The following OTOGL variants were observed in gnomAD, a reference collection of about 807,000 sequenced individuals.
OTOGL encodes otogelin-like protein.
Under a neutral mutation model 318.5 loss-of-function variants are expected in OTOGL, and 285 were observed. That is an observed-to-expected ratio of 0.89 (90% CI 0.81 to 0.99). The LOEUF is 0.99. Among genes scored for constraint, OTOGL ranks in the 50% least tolerant of loss-of-function variants. The pLI is 0.00. For synonymous variants in OTOGL, 987 were observed against 936.5 expected, an observed-to-expected ratio of 1.05 and a Z score of -0.99; for missense variants, 2,899 against 2,845.6, an observed-to-expected ratio of 1.02 and a Z score of -0.43.
At chr12:80,202,142 G>A (rs1266242628) in intron 1 of OTOGL, among the ~76,000 whole-genome samples, 1 of 152,166 alleles carries the variant, frequency 6.6e-6, no homozygotes, top group East Asian at 1.9e-4. Flanking sequence ...CCTCATAGCA[G>A]AAGAGTGAGC....
chr12:80,326,721 A>G (rs1215262759), intron 35 of OTOGL, among the ~76,000 whole-genome samples: 1 of 152,236 alleles, frequency 6.6e-6, no homozygotes, highest in Non-Finnish European at 1.5e-5. Context: ...ATAAATAATT[A>G]GTTATATAAG....
At chr12:80,218,092 A>G (rs762428387) in intron 5 of OTOGL, among the ~76,000 whole-genome samples, 9 of 152,168 alleles carry the variant, frequency 5.9e-5, no homozygotes, top group Non-Finnish European at 1.2e-4. Flanking sequence ...TTTTCATTTG[A>G]TATTTGTTTT....
intron 20 of OTOGL, 166 bp downstream of exon 20, chr12:80,265,376 G>T (rs1445208008): frequency 1.3e-6 from 1 of 775,250 alleles, no homozygotes; most frequent in East Asian, 2.7e-5. Context: ...AATATCTTAA[G>T]ATTGGAGATA....
intron 8 of OTOGL, among the ~76,000 whole-genome samples, chr12:80,232,359 G>A (rs1879446923): frequency 6.6e-6 from 1 of 151,922 alleles, no homozygotes; most frequent in African/African-American, 2.4e-5. Context: ...CTTATGTCAA[G>A]GTGTCATTTT....
At chr12:80,307,579 T>TC (rs1291435613) in intron 29 of OTOGL, among the ~76,000 whole-genome samples, 1 of 135,066 alleles carries the variant, frequency 7.4e-6, no homozygotes, top group Non-Finnish European at 1.6e-5. Context: ...CCCCCCAACC[T>TC]CCCTCCTGGA....
intron 1 of OTOGL, chr12:80,189,478 TCTCCTGCCCCC>T: frequency 1.0e-6 from 1 of 984,292 alleles, no homozygotes; most frequent in Non-Finnish European, 1.2e-6. Flanking sequence ...TTCTTTAACT[TCTCCTGCCCCC>T]TTTAGCAAAA....
At chr12:80,104,052 A>G (rs1218866323) in intron 1 of OTOGL, among the ~76,000 whole-genome samples, 2 of 152,204 alleles carry the variant, frequency 1.3e-5, no homozygotes, top group African/African-American at 4.8e-5. Flanking sequence ...AGAATTCCCA[A>G]TATTCATTTC....
intron 18 of OTOGL, among the ~76,000 whole-genome samples, chr12:80,258,585 GA>G (rs1399259622): frequency 6.6e-6 from 1 of 152,106 alleles, no homozygotes; most frequent in African/African-American, 2.4e-5. Context: ...ACCTACGTGT[GA>G]AAAGAAGCAG....
intron 1 of OTOGL, among the ~76,000 whole-genome samples, chr12:80,196,233 T>C (rs1876056385): frequency 6.6e-6 from 1 of 152,176 alleles, no homozygotes; most frequent in Admixed American, 6.5e-5. Flanking sequence ...TCTCCATTGC[T>C]TAATTTGTAC....
intron 1 of OTOGL, among the ~76,000 whole-genome samples, chr12:80,143,087 A>T (rs902094886): frequency 2.0e-5 from 3 of 152,104 alleles, no homozygotes; most frequent in Non-Finnish European, 4.4e-5. Context: ...GGCTGACCTG[A>T]CCTAATTAGG....
At position 80,328,721 on chromosome 12, in the gene OTOGL, T is replaced by G. The variant is rs1318376069; in HGVS notation, c.4256T>G (p.Leu1419Arg). 1 of 1,604,102 alleles carries G rather than the reference T, an allele frequency of 6.2e-7. No homozygotes were observed. The highest frequency in any genetic ancestry group is 2.2e-5 in the East Asian group (1 of 44,820). ...PKNMILDEVT[L>R]KCVYPRDCIP... ...AATATGATCCTTGATGAGGTCACCC[T>G]CAAGTGTGTTTATCCACGAGACTGT... Residue 1419 changes from leucine (L) to arginine (R), a missense_variant, in exon 36 of 59, where the codon CTC (leucine) becomes CGC (arginine). Leu to Arg is a moderately radical substitution (Grantham distance 102). Around this residue, in one of 3 missense-constraint regions of OTOGL, gnomAD observed 2,607 missense variants for 2,524.9 expected, o/e 1.03. Transcript: ENST00000547103.
intron 33 of OTOGL, among the ~76,000 whole-genome samples, chr12:80,319,418 C>T (rs925915506): frequency 2.6e-5 from 4 of 152,114 alleles, no homozygotes; most frequent in African/African-American, 4.8e-5. Flanking sequence ...ACTTAACTTT[C>T]GCTTATTCTG....
intron 11 of OTOGL, among the ~76,000 whole-genome samples, chr12:80,250,502 A>G (rs1012902821): frequency 6.6e-6 from 1 of 152,222 alleles, no homozygotes; most frequent in African/African-American, 2.4e-5. Flanking sequence ...ATTAGAAGGT[A>G]AATCATAAAT....
intron 1 of OTOGL, among the ~76,000 whole-genome samples, chr12:80,119,077 C>A (rs1243781563): frequency 6.6e-6 from 1 of 152,070 alleles, no homozygotes; most frequent in Non-Finnish European, 1.5e-5. Flanking sequence ...TGTTTATATT[C>A]TAGAAAAGAC....
At chr12:80,292,675 C>T (rs902280616) in intron 26 of OTOGL, among the ~76,000 whole-genome samples, 4 of 152,092 alleles carry the variant, frequency 2.6e-5, no homozygotes, top group African/African-American at 9.7e-5. Context: ...GTTAAAGACA[C>T]AATAGACAAG....
intron 1 of OTOGL, among the ~76,000 whole-genome samples, chr12:80,152,857 C>A (rs909457645): frequency 6.6e-6 from 1 of 152,080 alleles, no homozygotes; most frequent in Non-Finnish European, 1.5e-5. Flanking sequence ...CCACACCTGG[C>A]TAATTTTTGT....
chr12:80,328,617 T>C, intron 35 of OTOGL, 48 bp from the exon 36 acceptor site: 3 of 1,324,392 alleles, frequency 2.3e-6, no homozygotes, highest in Non-Finnish European at 3.2e-6. Flanking sequence ...TTTTTTTTTG[T>C]ATTTCAAACT....
At chr12:80,310,058 T>G (rs895149980) in intron 29 of OTOGL, among the ~76,000 whole-genome samples, 3 of 151,944 alleles carry the variant, frequency 2.0e-5, no homozygotes, top group Non-Finnish European at 4.4e-5. Context: ...GGAGAGACAT[T>G]TAAGAAGGGT....
chr12:80,238,325 G>T (rs748065821), intron 9 of OTOGL, among the ~76,000 whole-genome samples: 14 of 152,074 alleles, frequency 9.2e-5, no homozygotes, highest in Non-Finnish European at 2.1e-4. Context: ...GTGTTTTCCA[G>T]TCTTTCATTG....
Sources: allele counts gnomAD v4.1 joint callset (sites outside exome capture counted in the v4.1 genomes callset), GRCh38; gene constraint gnomAD v4.1.1; regional missense constraint gnomAD v4.1.1; transcripts MANE v1.5; gene names NCBI Gene and HGNC (gene_info 2026-07-23, HGNC 2026-07-21).